Variants in ABLIM1 observed in about 807,000 individuals in gnomAD.
ABLIM1 encodes the protein actin binding LIM protein 1, also known as actin-binding LIM protein 1.
In ABLIM1, 40 loss-of-function variants were observed where a neutral mutation model predicts 107.0. That is an observed-to-expected ratio of 0.37 (90% CI 0.29 to 0.49). ABLIM1 has a LOEUF of 0.49. ABLIM1 is among the 20% of genes least tolerant of loss of function. ABLIM1 has a pLI of 0.97. For synonymous variants in ABLIM1, 357 were observed against 357.3 expected (o/e 1.00, Z 0.01); for missense variants, 857 against 1,008.5 (o/e 0.85, Z 2.04).
intron 1 of ABLIM1, among the ~76,000 whole-genome samples, chr10:114,763,397 C>T (rs1591960882): frequency 8.3e-6 from 1 of 120,566 alleles, no homozygotes. Flanking sequence ...TGTATTAATA[C>T]ATTGATAGTG....
chr10:114,754,080 G>C (rs2082577601), intron 1 of ABLIM1, among the ~76,000 whole-genome samples: 1 of 152,146 alleles, frequency 6.6e-6, no homozygotes, highest in South Asian at 2.1e-4. Context: ...TCAAACTCCT[G>C]ACCTCAAGTG....
At position 114,678,896 on chromosome 10, in the gene ABLIM1, A is replaced by G. The variant is rs149702086; in HGVS notation, c.64+5394T>C. ...TTTCACTGAGTCTCAGTGCATGTCT[A>G]TTCATGCCAATACCACTGGTACTGC... On this transcript the variant is annotated intron_variant, in intron 1 of 23. Coordinates refer to the ABLIM1 transcript ENST00000369256. 4.3e-3 allele frequency among the ~76,000 whole-genome samples: 659 copies of G among 152,278 alleles called. 6 individuals are homozygous for G. Among genetic ancestry groups the G allele is most frequent in the African/African-American group, 0.015 (617 of 41,578 alleles).
At chr10:114,609,707 G>A (rs2076677140) in intron 1 of ABLIM1, among the ~76,000 whole-genome samples, 1 of 152,186 alleles carries the variant, frequency 6.6e-6, no homozygotes, top group African/African-American at 2.4e-5. Context: ...TCTCCCATGC[G>A]AAGGTCCAGG....
intron 1 of ABLIM1, among the ~76,000 whole-genome samples, chr10:114,611,189 G>A (rs2076786169): frequency 6.6e-6 from 1 of 151,942 alleles, no homozygotes; most frequent in Admixed American, 6.6e-5. Context: ...ATACTTGGCT[G>A]GGCATGGTAG....
chr10:114,690,451 C>G lies in ABLIM1; in HGVS notation c.-213+77610G>C, dbSNP rs1298994609. 4 of 1,596,390 alleles carry G rather than the reference C, an allele frequency of 2.5e-6. No individual in the cohort carries two copies. In the Admixed American group the frequency reaches 6.7e-5, roughly 27 times the overall value. On this transcript the variant is annotated intron_variant, in intron 1 of 15. Transcript: ENST00000651092. ...CCATTATGGCGTGTGAAGTCACCAC[C>G]CTGACACATAAACCCTGGAATAATT...
intron 1 of ABLIM1, among the ~76,000 whole-genome samples, chr10:114,709,175 T>C (rs1349007203): frequency 1.3e-5 from 2 of 152,170 alleles, no homozygotes; most frequent in African/African-American, 2.4e-5. Context: ...TCTAGAGTCA[T>C]GATATGGAAA....
intron 1 of ABLIM1, among the ~76,000 whole-genome samples, chr10:114,740,143 T>C (rs945016065): frequency 1.3e-5 from 2 of 152,178 alleles, no homozygotes; most frequent in Non-Finnish European, 2.9e-5. Flanking sequence ...GAGAGTCTCT[T>C]ACAATACAGC....
At chr10:114,588,487 C>CTTTTTTTT (rs34043960) in intron 2 of ABLIM1, among the ~76,000 whole-genome samples, 244 of 76,570 alleles carry the variant, frequency 3.2e-3, no homozygotes, top group African/African-American at 4.7e-3. Context: ...TTCTTTCTTT[C>CTTTTTTTT]TTTTTTTTTT....
upstream of ABLIM1, among the ~76,000 whole-genome samples, chr10:114,661,243 CT>C (rs1439671476): frequency 6.6e-6 from 1 of 152,174 alleles, no homozygotes; most frequent in Admixed American, 6.5e-5. Flanking sequence ...TGGTTGCTTG[CT>C]TTTAAAGACA....
chr10:114,480,960 C>T (rs962695862), intron 8 of ABLIM1, among the ~76,000 whole-genome samples: 4 of 152,140 alleles, frequency 2.6e-5, no homozygotes, highest in Non-Finnish European at 5.9e-5. Context: ...TTAAAAAGCA[C>T]ATCTTTTTGT....
chr10:114,770,103 G>A (rs2083005022), upstream of ABLIM1, among the ~76,000 whole-genome samples: 1 of 152,064 alleles, frequency 6.6e-6, no homozygotes, highest in Non-Finnish European at 1.5e-5. Context: ...ATTACCTTGA[G>A]AATAATTTTT....
At chr10:114,623,864 G>A (rs535454372) in intron 1 of ABLIM1, among the ~76,000 whole-genome samples, 2 of 152,330 alleles carry the variant, frequency 1.3e-5, no homozygotes, top group East Asian at 3.9e-4. Flanking sequence ...AAGCCAGCCT[G>A]TTTGATTGCA....
At chr10:114,714,525 T>C (rs2081618747) in intron 1 of ABLIM1, among the ~76,000 whole-genome samples, 1 of 152,208 alleles carries the variant, frequency 6.6e-6, no homozygotes, top group Non-Finnish European at 1.5e-5. Context: ...CCATTGTGAC[T>C]GAGGTTACCA....
chr10:114,677,874 G>A (rs1333869853), intron 1 of ABLIM1, among the ~76,000 whole-genome samples: 1 of 152,166 alleles, frequency 6.6e-6, no homozygotes, highest in East Asian at 1.9e-4. Context: ...GCAAAAAACT[G>A]TTCATTTTGT....
intron 6 of ABLIM1, among the ~76,000 whole-genome samples, chr10:114,528,052 G>C (rs1287062504): frequency 1.3e-5 from 2 of 151,946 alleles, no homozygotes; most frequent in Admixed American, 1.3e-4. Context: ...TGGCCAGGAT[G>C]GTCTCGATCT....
chr10:114,457,631 G>C (rs1171228587), intron 12 of ABLIM1, among the ~76,000 whole-genome samples: 1 of 152,138 alleles, frequency 6.6e-6, no homozygotes, highest in African/African-American at 2.4e-5. Flanking sequence ...ACTTATGGGG[G>C]CCCTAAGAGG....
At chr10:114,684,693 C>G (rs2080887506) in exon 1 of ABLIM1, 1 of 1,082,524 alleles carries the variant, frequency 9.2e-7, no homozygotes, top group Non-Finnish European at 1.1e-6. Flanking sequence ...TGGGAAGCCA[C>G]TATTAGAACA....
rs116683358 is a variant in ABLIM1, at chr10:114,494,015, G to C, written c.895-2137C>G. ...TTCCTGTCATAAAATTTTTTTCTAA[G>C]TCTAAAATAATTAAAGTACTTTAGT... On this transcript the variant is annotated intron_variant, in intron 6 of 22. Coordinates refer to ENST00000533213, the MANE Select transcript of ABLIM1 (RefSeq NM_002313.7). Among the ~76,000 whole-genome samples the C allele has an allele frequency of 6.5e-3, 991 of 152,154 alleles. 13 individuals carry two copies. Among genetic ancestry groups the C allele is most frequent in the African/African-American group, 0.023 (944 of 41,500 alleles).
intron 1 of ABLIM1, among the ~76,000 whole-genome samples, chr10:114,612,468 C>A (rs1328125079): frequency 6.6e-6 from 1 of 152,314 alleles, no homozygotes; most frequent in African/African-American, 2.4e-5. Flanking sequence ...TCTAGCAACA[C>A]AAAATGGACT....
Sources: gnomAD v4.1 joint callset for allele counts (sites outside exome capture counted in the v4.1 genomes callset) on GRCh38, gnomAD v4.1.1 for gene constraint, MANE v1.5 for transcripts, NCBI Gene and HGNC (gene_info 2026-07-23, HGNC 2026-07-21) for gene names.